STX16: variants seen among roughly 807,000 people sequenced by gnomAD.
STX16 encodes syntaxin 16, also known as syntaxin-16.
STX16 carries 28 observed loss-of-function variants against 42.7 expected under a neutral mutation model. The observed-to-expected ratio is 0.66, with a 90% CI of 0.49 to 0.90. STX16 has a LOEUF of 0.90. STX16 is among the 40% of genes least tolerant of loss of function. The pLI, the probability that STX16 is intolerant of heterozygous loss-of-function variation, is 0.00. For missense variants in STX16, 361 were observed against 420.9 expected (o/e 0.86, Z 1.24); for synonymous variants, 156 against 155.2 (o/e 1.00, Z -0.04).
At chr20:58,653,280 C>G (rs1344324657) in intron 1 of STX16, among the ~76,000 whole-genome samples, 1 of 152,146 alleles carries the variant, frequency 6.6e-6, no homozygotes, top group Non-Finnish European at 1.5e-5. Context: ...ATGGCTTTAT[C>G]TAAATGCTTC....
chr20:58,671,258 T>C lies in STX16; in HGVS notation c.753T>C (p.Asn251=). 1 of 1,613,728 alleles carries C rather than the reference T, an allele frequency of 6.2e-7. No homozygotes were observed. Among genetic ancestry groups the C allele is most frequent in the South Asian group, 1.1e-5 (1 of 91,048 alleles). Residue 251 remains asparagine (N), a synonymous_variant, in exon 7 of 9, where the codon AAT becomes AAC. Transcript: ENST00000371141. ...TTGTACAGTCCATTTCTGACCTGAA[T>C]GAAATATTCAGGGACTTAGGGGCGA... ...RQIVQSISDL[N]EIFRDLGAMI...
At chr20:58,652,221 G>GT (rs2083475120) in intron 1 of STX16, 83 bp downstream of exon 1, 1 of 1,560,552 alleles carries the variant, frequency 6.4e-7, no homozygotes, top group Non-Finnish European at 8.8e-7. Context: ...CTGTCTCTCT[G>GT]TTTAAAAAGA....
intron 1 of STX16, among the ~76,000 whole-genome samples, chr20:58,655,752 C>T (rs1022393353): frequency 2.6e-5 from 4 of 152,160 alleles, no homozygotes; most frequent in Admixed American, 6.5e-5. Flanking sequence ...AGAATTCTTT[C>T]CAGGCCTAGC....
At chr20:58,675,474 G>A (rs1466203047) in intron 8 of STX16, among the ~76,000 whole-genome samples, 1 of 152,216 alleles carries the variant, frequency 6.6e-6, no homozygotes, top group South Asian at 2.1e-4. Flanking sequence ...TTCTCTAGCA[G>A]GCATGATGGA....
chr20:58,653,780 G>GA (rs570095248), intron 1 of STX16, among the ~76,000 whole-genome samples: 57 of 151,348 alleles, frequency 3.8e-4, no homozygotes, highest in African/African-American at 1.3e-3. Flanking sequence ...AGTTTTAATT[G>GA]AAAAACATAT....
intron 1 of STX16, among the ~76,000 whole-genome samples, chr20:58,658,432 C>G (rs1555839572): frequency 6.6e-6 from 1 of 152,076 alleles, no homozygotes; most frequent in Admixed American, 6.5e-5. Flanking sequence ...TTCTTTTTTG[C>G]TCTCATAGAA....
At chr20:58,667,091 G>C (rs1208079255) in intron 2 of STX16, 3 of 262,872 alleles carry the variant, frequency 1.1e-5, no homozygotes, top group East Asian at 2.1e-4. Flanking sequence ...TTTTTCACTT[G>C]CAACTGATCA....
Position 58,651,744 on chromosome 20 carries a change from T to G in STX16, c.-263T>G. ...GGGACGTTGGATCGCTACGCAAGGA[T>G]TGGGGGGATTCAAGTGCTTAGAGAT... On this transcript the variant is annotated 5_prime_UTR_variant, in exon 1 of 9. Coordinates refer to ENST00000371141, the MANE Select transcript of STX16 (RefSeq NM_001001433.3). 45 of 383,520 alleles carry G rather than the reference T, an allele frequency of 1.2e-4. No individual in the cohort carries two copies. The highest frequency in any genetic ancestry group is 1.6e-4 in the Non-Finnish European group (32 of 204,136). The allele number at this position is 383,520 out of a possible 1,614,324, so 23.8% of individuals were successfully genotyped here.
chr20:58,667,475 T>C lies in STX16; in HGVS notation c.145-15T>C, dbSNP rs1319080769. 6 of 1,611,342 alleles carry C rather than the reference T, an allele frequency of 3.7e-6. No homozygotes were observed. The South Asian group carries it at 6.6e-5, about 18-fold the overall frequency. On this transcript the variant is annotated splice_polypyrimidine_tract_variant and intron_variant, in intron 2 of 8. Transcript: ENST00000371141. ...ATTAGAATAATTTTTTTCATGTCCCTTTACTTTCCTGTAGCTTGCTGATGA... is the reference window on the plus strand; with the variant it reads ...ATTAGAATAATTTTTTTCATGTCCCCTTACTTTCCTGTAGCTTGCTGATGA...
chr20:58,669,255 C>T (rs1210873166), intron 4 of STX16, 36 bp from the exon 5 acceptor site: 19 of 1,603,446 alleles, frequency 1.2e-5, no homozygotes, highest in Middle Eastern at 2.2e-4. Context: ...GGCTTCTCTC[C>T]CAGGCTTGCC....
intron 6 of STX16, 118 bp from the exon 7 acceptor site, chr20:58,671,036 C>A (rs2122997987): frequency 9.3e-7 from 1 of 1,073,188 alleles, no homozygotes; most frequent in Non-Finnish European, 1.3e-6. Context: ...GAAATATTTT[C>A]AGAATTCATT....
rs773864899 is a variant in STX16, at chr20:58,669,469, G to A, written c.556+16G>A. The stretch of plus-strand genomic sequence containing the variant: ...TACCTCAAACGTGAGTGCTGCCCGG[G>A]CCTAGTGAAGGGATTTTGAGTAAGA... On this transcript the variant is annotated intron_variant, in intron 5 of 8. Coordinates refer to ENST00000371141, the MANE Select transcript of STX16 (RefSeq NM_001001433.3). 1 of 1,585,954 alleles carries A rather than the reference G, an allele frequency of 6.3e-7. No individual in the cohort carries two copies. Among genetic ancestry groups the A allele is most frequent in the Non-Finnish European group, 8.5e-7 (1 of 1,172,936 alleles).
rs1212621333 is a variant in STX16 at position 58,677,976 on chromosome 20, A to G, written c.*1685A>G. ...TATTCCCTGACAAACATTGCTTAGGAAAGAGGGCCGGAGAATAAGAAGCCA... is the reference window on the plus strand; with the variant it reads ...TATTCCCTGACAAACATTGCTTAGGGAAGAGGGCCGGAGAATAAGAAGCCA... On this transcript the variant is annotated 3_prime_UTR_variant, in exon 9 of 9. Transcript: ENST00000371141. 3 of 152,238 alleles carry G rather than the reference A, an allele frequency of 2.0e-5. No individual in the cohort carries two copies. Among genetic ancestry groups the G allele is most frequent in the African/African-American group, 7.2e-5 (3 of 41,456 alleles). 9.4% of individuals were successfully genotyped at this position (152,238 alleles called of 1,614,324 possible).
At chr20:58,658,759 G>A (rs1311661509) in intron 1 of STX16, among the ~76,000 whole-genome samples, 1 of 152,152 alleles carries the variant, frequency 6.6e-6, no homozygotes, top group Non-Finnish European at 1.5e-5. Context: ...AGAAGATAGA[G>A]TTCCATGTTG....
chr20:58,654,536 A>G (rs1178358083), intron 1 of STX16, among the ~76,000 whole-genome samples: 1 of 152,218 alleles, frequency 6.6e-6, no homozygotes, highest in Non-Finnish European at 1.5e-5. Flanking sequence ...GAAAAGCTTT[A>G]TAAACATTTT....
In STX16 at chr20:58,667,510, A is replaced by C. The variant is rs2083865581; in HGVS notation, c.165A>C (p.Ala55=). 1 of 1,613,970 alleles carries C rather than the reference A, an allele frequency of 6.2e-7. No individual in the cohort carries two copies. The highest frequency in any genetic ancestry group is 8.5e-7 in the Non-Finnish European group (1 of 1,180,030). ...ELDELADDRM[A]LVSGISLDPE... ...TGTAGCTTGCTGATGACCGTATGGC[A>C]CTGGTGTCAGGCATCAGCTTAGATC... The change falls in exon 3 of 9, where the codon GCA becomes GCC. Residue 55 remains alanine (A), a synonymous_variant. Transcript: ENST00000371141.
intron 2 of STX16, among the ~76,000 whole-genome samples, chr20:58,663,583 T>C (rs904365614): frequency 6.6e-6 from 1 of 152,130 alleles, no homozygotes; most frequent in African/African-American, 2.4e-5. Flanking sequence ...GAACTACATA[T>C]CAAAGAGGCA....
intron 2 of STX16, among the ~76,000 whole-genome samples, chr20:58,666,383 C>G (rs1568821610): frequency 6.6e-6 from 1 of 151,382 alleles, no homozygotes; most frequent in African/African-American, 2.4e-5. Context: ...CTTAACCGTG[C>G]CAAACCCATG....
intron 1 of STX16, among the ~76,000 whole-genome samples, chr20:58,652,831 G>A (rs1260883690): frequency 4.0e-5 from 6 of 151,816 alleles, no homozygotes; most frequent in African/African-American, 1.2e-4. Context: ...AGCCTGAGGA[G>A]GTATATGTGA....
Sources: allele counts gnomAD v4.1 joint callset (sites outside exome capture counted in the v4.1 genomes callset), GRCh38; gene constraint gnomAD v4.1.1; transcripts MANE v1.5; gene names NCBI Gene and HGNC (gene_info 2026-07-23, HGNC 2026-07-21).